METAP1: variants seen among roughly 807,000 people sequenced by gnomAD.
METAP1 encodes methionyl aminopeptidase 1.
A neutral mutation model predicts 53.8 loss-of-function variants in METAP1; 28 were observed. The ratio of observed to expected loss-of-function variants is 0.52; its 90% CI spans 0.39 to 0.71. The LOEUF is 0.71. Ranked by LOEUF, METAP1 falls within the 30% of genes least tolerant of loss-of-function variation. METAP1 has a pLI of 0.00. For synonymous variants in METAP1, 181 were observed against 165.7 expected (o/e 1.09, Z -0.71); for missense variants, 389 against 479.8 (o/e 0.81, Z 1.77).
chr4:99,029,266 A>G (rs10489132), intron 2 of METAP1, among the ~76,000 whole-genome samples: 10,201 of 152,198 alleles, frequency 0.067, 1,155 homozygotes, highest in East Asian at 0.57. Flanking sequence ...ATTTGGCTTC[A>G]TTTAACCAGA....
At chr4:99,020,521 G>A (rs887569347) in intron 1 of METAP1, among the ~76,000 whole-genome samples, 2 of 152,254 alleles carry the variant, frequency 1.3e-5, no homozygotes, top group African/African-American at 4.8e-5. Context: ...ACCTGAGGAG[G>A]AGGTGGGACT....
rs200609570 is a variant in METAP1 at position 99,061,213 on chromosome 4, C to T, written c.1057C>T (p.Arg353Trp). Reference sequence around the variant, plus strand: ...GACTGCGGTGACAAGAGACGGAAAGCGGTCTGCTCAGTTTGAGCACACCCT... The same window carrying T: ...GACTGCGGTGACAAGAGACGGAAAGTGGTCTGCTCAGTTTGAGCACACCCT... ...GWTAVTRDGK[R>W]SAQFEHTLLV... The change falls in exon 11 of 11, where the codon CGG becomes TGG. Residue 353 changes from arginine (R) to tryptophan (W), a missense_variant. Transcript: ENST00000296411. The T allele has an allele frequency of 5.6e-6, 9 of 1,613,888 alleles. No homozygotes were observed. Among genetic ancestry groups the T allele is most frequent in the East Asian group, 4.5e-5 (2 of 44,876 alleles).
At chr4:99,015,376 T>C (rs1723699008) in intron 1 of METAP1, among the ~76,000 whole-genome samples, 1 of 152,146 alleles carries the variant, frequency 6.6e-6, no homozygotes. Context: ...ATTTCAAACC[T>C]CCCTATCGGA....
At chr4:99,023,171 C>T in intron 1 of METAP1, 1 of 594,582 alleles carries the variant, frequency 1.7e-6, no homozygotes, top group East Asian at 4.0e-5. Context: ...TTCATTACTT[C>T]TAATGACTGC....
intron 1 of METAP1, chr4:99,022,996 C>G (rs1398275762): frequency 4.1e-6 from 6 of 1,467,856 alleles, no homozygotes; most frequent in African/African-American, 2.8e-5. Flanking sequence ...GTACACAATA[C>G]CTGGCACTAC....
At chr4:99,055,538 A>G (rs1023652959) in intron 9 of METAP1, among the ~76,000 whole-genome samples, 3 of 152,246 alleles carry the variant, frequency 2.0e-5, no homozygotes, top group Admixed American at 6.5e-5. Flanking sequence ...AAAAGTACCT[A>G]AGAGTGTCTG....
At chr4:98,998,158 C>G (rs1189704610) in intron 1 of METAP1, among the ~76,000 whole-genome samples, 2 of 152,178 alleles carry the variant, frequency 1.3e-5, no homozygotes. Flanking sequence ...CACAGCTGTT[C>G]CCCCAATCCC....
intron 1 of METAP1, chr4:99,023,607 C>T (rs1724311855): frequency 2.0e-6 from 2 of 985,240 alleles, no homozygotes; most frequent in African/African-American, 1.7e-5. Context: ...TATGGGTGGT[C>T]ACATTATGAA....
At position 99,039,435 on chromosome 4, in the gene METAP1, A is replaced by C; in HGVS notation, c.402A>C (p.Glu134Asp). Residue 134 changes from glutamate (E) to aspartate (D), a missense_variant, in exon 5 of 11, where the codon GAA (glutamate) becomes GAC (aspartate). Transcript: ENST00000296411. ...CTCAGATTAAATTACTCTCATCTGA[A>C]GATATAGAAGGGATGCGACTTGTAT... ...GTSQIKLLSS[E>D]DIEGMRLVCR... The C allele has an allele frequency of 6.2e-7, 1 of 1,609,914 alleles. No homozygotes were observed. The highest frequency in any genetic ancestry group is 1.1e-5 in the South Asian group (1 of 90,826).
At chr4:99,028,570 A>G (rs1407522679) in intron 1 of METAP1, among the ~76,000 whole-genome samples, 1 of 152,194 alleles carries the variant, frequency 6.6e-6, no homozygotes, top group Non-Finnish European at 1.5e-5. Context: ...TTGTCTAATG[A>G]TTCTTTTGAA....
chr4:99,003,843 T>C (rs1723035701), intron 1 of METAP1, among the ~76,000 whole-genome samples: 1 of 152,184 alleles, frequency 6.6e-6, no homozygotes, highest in African/African-American at 2.4e-5. Flanking sequence ...GGGTGTCCTT[T>C]AGTTCATTTC....
At chr4:99,039,193 G>A (rs1725665183) in intron 4 of METAP1, 181 bp from the exon 5 acceptor site, 1 of 445,156 alleles carries the variant, frequency 2.2e-6, no homozygotes, top group Non-Finnish European at 4.0e-6. Flanking sequence ...GGTTTAGCGA[G>A]TTTCCCTTTG....
At chr4:99,026,042 G>A (rs1724537798) in intron 1 of METAP1, 1 of 158,612 alleles carries the variant, frequency 6.3e-6, no homozygotes, top group Non-Finnish European at 1.4e-5. Flanking sequence ...ATTGATTGAT[G>A]TATTATGTCT....
intron 10 of METAP1, among the ~76,000 whole-genome samples, chr4:99,058,420 A>G (rs1727303885): frequency 6.6e-6 from 1 of 152,056 alleles, no homozygotes; most frequent in South Asian, 2.1e-4. Context: ...AAGCACACCA[A>G]GGACACTTGG....
At chr4:99,035,598 T>C in intron 4 of METAP1, 138 bp downstream of exon 4, 2 of 621,614 alleles carry the variant, frequency 3.2e-6, no homozygotes, top group African/African-American at 1.8e-5. Context: ...CATTAGAACA[T>C]TGAAGAGAAT....
At chr4:99,020,088 C>T (rs1723998920) in intron 1 of METAP1, among the ~76,000 whole-genome samples, 1 of 152,084 alleles carries the variant, frequency 6.6e-6, no homozygotes, top group Non-Finnish European at 1.5e-5. Context: ...AATATTTTGA[C>T]CGGCAGGGTA....
chr4:99,026,349 C>G, intron 1 of METAP1: 4 of 985,396 alleles, frequency 4.1e-6, no homozygotes, highest in Non-Finnish European at 4.8e-6. Flanking sequence ...AAGTGCTGTT[C>G]AGCGAGTATT....
chr4:99,046,139 C>T (rs1163954820), intron 8 of METAP1, among the ~76,000 whole-genome samples: 1 of 151,360 alleles, frequency 6.6e-6, no homozygotes, highest in Non-Finnish European at 1.5e-5. Flanking sequence ...AGGGGCTGGG[C>T]ATGGTGGCTC....
chr4:99,031,441 CTAAG>C, intron 2 of METAP1: 2 of 1,280,454 alleles, frequency 1.6e-6, no homozygotes, highest in South Asian at 1.2e-5. Flanking sequence ...TAAAAGAACT[CTAAG>C]TAATACTTTT....
Sources: gnomAD v4.1 joint callset for allele counts (sites outside exome capture counted in the v4.1 genomes callset) on GRCh38, gnomAD v4.1.1 for gene constraint, MANE v1.5 for transcripts, NCBI Gene and HGNC (gene_info 2026-07-23, HGNC 2026-07-21) for gene names.